The following PRAG1 variants were observed in gnomAD, a reference collection of about 807,000 sequenced individuals.
PRAG1 encodes inactive tyrosine-protein kinase PRAG1.
PRAG1 carries 110 observed loss-of-function variants against 95.6 expected under a neutral mutation model. The observed-to-expected ratio is 1.15, with a 90% CI of 0.99 to 1.35. The LOEUF is 1.35. PRAG1 is among the 40% of genes most tolerant of loss of function. The probability of loss-of-function intolerance (pLI) is 0.00; values close to 1 mark genes in which losing one functional copy is unlikely to be tolerated. For synonymous variants in PRAG1, 1,052 were observed against 819.4 expected, an observed-to-expected ratio of 1.28 and a Z score of -4.85; for missense variants, 2,554 against 1,864.7, an observed-to-expected ratio of 1.37 and a Z score of -6.81.
Position 8,327,772 on chromosome 8 carries a change from C to T in PRAG1, c.3010G>A (p.Gly1004Arg). The part of the protein sequence containing the change: ...LTCNKPCCDS[G>R]DAIYYCATCS... ...GTGGCACAGTAATAAATGGCATCCC[C>T]CGAGTCACAGCAGGGCTTGTTACAA... The change falls in exon 5 of 6, where the codon GGG becomes AGG. Residue 1004 changes from glycine (G) to arginine (R), a missense_variant. By Grantham distance (125) the Gly-to-Arg change is moderately radical. Transcript: ENST00000615670. 6.2e-7 allele frequency: 1 copy of T among 1,614,176 alleles called. No homozygotes were observed.
Position 8,355,363 on chromosome 8 carries a change from A to C in PRAG1, c.2163-15728T>G, listed in dbSNP as rs550074771. Among the ~76,000 whole-genome samples, 25 of 152,298 alleles carry C rather than the reference A, an allele frequency of 1.6e-4. No homozygotes were observed. In the South Asian group the frequency reaches 5.2e-3, roughly 32 times the overall value. On this transcript the variant is annotated intron_variant, in intron 3 of 5. Transcript: ENST00000615670. The stretch of plus-strand genomic sequence containing the variant: ...CAAAAGTGATATACAGATTTAATGC[A>C]ATCTCTATCAAAATTCCAAAGGCAT...
intron 4 of PRAG1, among the ~76,000 whole-genome samples, chr8:8,337,940 G>C (rs997230221): frequency 2.4e-4 from 37 of 152,044 alleles, no homozygotes; most frequent in African/African-American, 8.7e-4. Context: ...TGTCAGACTG[G>C]TCTCATCCTT....
At chr8:8,340,864 G>A (rs1421194459) in intron 3 of PRAG1, among the ~76,000 whole-genome samples, 1 of 152,132 alleles carries the variant, frequency 6.6e-6, no homozygotes, top group African/African-American at 2.4e-5. Flanking sequence ...GACAGTGAAG[G>A]CAACATTATG....
At position 8,376,486 on chromosome 8, in the gene PRAG1, T is replaced by C. The variant is rs1165042276; in HGVS notation, c.1923A>G (p.Glu641=). 3 of 1,613,508 alleles carry C rather than the reference T, an allele frequency of 1.9e-6. No individual in the cohort carries two copies. The highest frequency in any genetic ancestry group is 2.7e-5 in the African/African-American group (2 of 74,920). ...GTWSRQCRIE[E]EEEVEQELLS... ...GCAATTCCTGCTCCACCTCCTCTTC[T>C]TCCTCTATCCGGCACTGACGACTCC... Residue 641 remains glutamate, a synonymous_variant, in exon 3 of 6, where the codon GAA becomes GAG. Transcript: ENST00000615670.
At chr8:8,384,198 T>C (rs1464012258) in intron 1 of PRAG1, among the ~76,000 whole-genome samples, 1 of 152,066 alleles carries the variant, frequency 6.6e-6, no homozygotes, top group Non-Finnish European at 1.5e-5. Context: ...CTTGGCGACT[T>C]ATTGCCTCCT....
intron 3 of PRAG1, among the ~76,000 whole-genome samples, chr8:8,349,421 C>CA (rs1287728760): frequency 6.6e-6 from 1 of 152,048 alleles, no homozygotes; most frequent in Non-Finnish European, 1.5e-5. Flanking sequence ...GCTGGTACTA[C>CA]AGGCGCCCGC....
intron 4 of PRAG1, among the ~76,000 whole-genome samples, chr8:8,334,086 T>C (rs916391265): frequency 6.6e-6 from 1 of 152,172 alleles, no homozygotes; most frequent in Non-Finnish European, 1.5e-5. Flanking sequence ...AGTTTTGCAA[T>C]CTCTTGTTTG....
intron 3 of PRAG1, among the ~76,000 whole-genome samples, chr8:8,370,216 T>C (rs572487599): frequency 6.6e-6 from 1 of 152,378 alleles, no homozygotes; most frequent in East Asian, 1.9e-4. Flanking sequence ...GCTTACAGCA[T>C]TATGAGATGT....
At chr8:8,382,420 T>C (rs2116952065) in intron 1 of PRAG1, among the ~76,000 whole-genome samples, 1 of 152,350 alleles carries the variant, frequency 6.6e-6, no homozygotes, top group Non-Finnish European at 1.5e-5. Flanking sequence ...GGTGCTGGCC[T>C]GTCCTCTAGA....
At chr8:8,359,930 T>C (rs1285864908) in intron 3 of PRAG1, among the ~76,000 whole-genome samples, 1 of 152,246 alleles carries the variant, frequency 6.6e-6, no homozygotes, top group East Asian at 1.9e-4. Flanking sequence ...TTGATCTTGA[T>C]ATTTAACTTC....
At chr8:8,324,308 C>T (rs1230010032) in intron 5 of PRAG1, among the ~76,000 whole-genome samples, 1 of 152,232 alleles carries the variant, frequency 6.6e-6, no homozygotes, top group Non-Finnish European at 1.5e-5. Flanking sequence ...TCCAGTCAGG[C>T]TGCTGACATT....
intron 5 of PRAG1, among the ~76,000 whole-genome samples, chr8:8,323,559 C>CT (rs1358053557): frequency 1.4e-4 from 21 of 152,068 alleles, no homozygotes; most frequent in African/African-American, 4.8e-4. Flanking sequence ...CTCCTGACCT[C>CT]GTGATCTACC....
chr8:8,383,777 C>T (rs2116955947), intron 1 of PRAG1, among the ~76,000 whole-genome samples: 1 of 152,276 alleles, frequency 6.6e-6, no homozygotes, highest in Non-Finnish European at 1.5e-5. Context: ...GCCAAGTTCT[C>T]CAGAAGAGGT....
chr8:8,341,473 G>A (rs1799161442), intron 3 of PRAG1, among the ~76,000 whole-genome samples: 1 of 152,182 alleles, frequency 6.6e-6, no homozygotes, highest in Non-Finnish European at 1.5e-5. Context: ...ATTTACTACA[G>A]ATTTCAGTAG....
chr8:8,381,375 G>C (rs1458642170), intron 2 of PRAG1, 43 bp downstream of exon 2: 5 of 1,558,346 alleles, frequency 3.2e-6, no homozygotes, highest in Admixed American at 1.8e-5. Context: ...GTTCAAACAG[G>C]AGCAGCCCCT....
chr8:8,373,892 A>T lies in PRAG1; in HGVS notation c.2162+2355T>A, dbSNP rs1053876445. 3.3e-5 allele frequency among the ~76,000 whole-genome samples: 5 copies of T among 152,314 alleles called. No homozygotes were observed. The South Asian group carries it at 6.2e-4, about 19-fold the overall frequency. On this transcript the variant is annotated intron_variant, in intron 3 of 5. Coordinates refer to ENST00000615670, the MANE Select transcript of PRAG1 (RefSeq NM_001080826.3). ...AACAAACTGGGCCGAAAAAACTCTG[A>T]TCTCAACCCAGATGCTAATTAAAAC...
Position 8,318,244 on chromosome 8 carries a change from C to T in PRAG1, c.4131G>A (p.Val1377=), listed in dbSNP as rs758226774. 60 of 1,614,176 alleles carry T rather than the reference C, an allele frequency of 3.7e-5. No individual in the cohort carries two copies. The highest frequency in any genetic ancestry group is 1.6e-4 in the Middle Eastern group (1 of 6,062). ...GGCAGCAAAGCCAGTCCTCCAGCTC[C>T]ACGCCCCGCCTGCGATCCACCGCCT... is the stretch of plus-strand genomic sequence containing the variant. The part of the protein sequence containing the change: ...AEKAVDRRRG[V]ELEDWLCCQY... The change falls in exon 6 of 6, where the codon GTG becomes GTA. Residue 1377 remains valine, a synonymous_variant. Coordinates refer to ENST00000615670, the MANE Select transcript of PRAG1 (RefSeq NM_001080826.3). The surrounding 1 kb of genome is among the most constrained non-coding windows in gnomAD (Gnocchi z 4.2).
intron 4 of PRAG1, among the ~76,000 whole-genome samples, chr8:8,339,274 G>A (rs1390123216): frequency 1.3e-5 from 2 of 152,194 alleles, no homozygotes; most frequent in Non-Finnish European, 2.9e-5. Context: ...CTTATAATTT[G>A]GAGAGGGCAA....
chr8:8,357,111 A>C (rs1260076966), intron 3 of PRAG1, among the ~76,000 whole-genome samples: 1 of 152,218 alleles, frequency 6.6e-6, no homozygotes, highest in Non-Finnish European at 1.5e-5. Context: ...AAACTTAATG[A>C]CATTGGATTT....
Sources: allele counts gnomAD v4.1 joint callset (sites outside exome capture counted in the v4.1 genomes callset), GRCh38; gene constraint gnomAD v4.1.1; non-coding constraint Gnocchi (gnomAD v3.1); transcripts MANE v1.5; gene names NCBI Gene and HGNC (gene_info 2026-07-23, HGNC 2026-07-21).